SNTG1: variants seen among roughly 807,000 people sequenced by gnomAD.
SNTG1 encodes the protein syntrophin gamma 1.
In SNTG1, 39 loss-of-function variants were observed where a neutral mutation model predicts 74.7. The observed-to-expected ratio is 0.52, with a 90% CI of 0.40 to 0.68. SNTG1 has a LOEUF of 0.68. SNTG1 is among the 30% of genes least tolerant of loss of function. The pLI is 0.00. For synonymous variants in SNTG1, 254 were observed against 217.1 expected (o/e 1.17, Z -1.49); for missense variants, 685 against 609.5 (o/e 1.12, Z -1.30).
At chr8:50,061,838 A>G (rs939561284) in intron 1 of SNTG1, among the ~76,000 whole-genome samples, 3 of 151,990 alleles carry the variant, frequency 2.0e-5, no homozygotes, top group African/African-American at 7.2e-5. Context: ...GAGAATTTCA[A>G]TTCTTTCAAA....
chr8:50,332,280 C>A (rs562555901), intron 2 of SNTG1, among the ~76,000 whole-genome samples: 14 of 152,172 alleles, frequency 9.2e-5, no homozygotes, highest in Non-Finnish European at 1.9e-4. Flanking sequence ...CATTATTATT[C>A]ATTTTTTCCA....
intron 2 of SNTG1, among the ~76,000 whole-genome samples, chr8:50,358,052 T>G (rs899735625): frequency 6.6e-6 from 1 of 152,134 alleles, no homozygotes; most frequent in African/African-American, 2.4e-5. Flanking sequence ...TTCCAGCCAC[T>G]CTGACATAAT....
intron 2 of SNTG1, among the ~76,000 whole-genome samples, chr8:50,354,331 A>G (rs2091755327): frequency 6.6e-6 from 1 of 152,164 alleles, no homozygotes; most frequent in East Asian, 1.9e-4. Flanking sequence ...TCTTTCTTTA[A>G]ATTAGAGTCT....
chr8:50,268,813 C>G (rs1292978542), intron 2 of SNTG1, among the ~76,000 whole-genome samples: 1 of 152,032 alleles, frequency 6.6e-6, no homozygotes, highest in Non-Finnish European at 1.5e-5. Context: ...CACACCACCA[C>G]ACCCAGCTAA....
chr8:50,504,748 C>T (rs2093992206), intron 9 of SNTG1, among the ~76,000 whole-genome samples: 1 of 152,030 alleles, frequency 6.6e-6, no homozygotes, highest in Non-Finnish European at 1.5e-5. Context: ...ATGCAGTGAG[C>T]TGAGTAAGAC....
chr8:50,026,295 T>C (rs1206821271), intron 1 of SNTG1, among the ~76,000 whole-genome samples: 2 of 152,200 alleles, frequency 1.3e-5, no homozygotes, highest in East Asian at 3.9e-4. Context: ...GACTATTTAG[T>C]TCAGGGTTCT....
intron 1 of SNTG1, among the ~76,000 whole-genome samples, chr8:50,138,899 C>T (rs1290042793): frequency 6.6e-6 from 1 of 151,732 alleles, no homozygotes; most frequent in African/African-American, 2.4e-5. Flanking sequence ...TACAGTGTAT[C>T]ATACTGACTT....
At chr8:50,182,304 C>T (rs1480505028) in intron 2 of SNTG1, among the ~76,000 whole-genome samples, 2 of 152,064 alleles carry the variant, frequency 1.3e-5, no homozygotes, top group Admixed American at 1.3e-4. Context: ...TTGCCGATTG[C>T]CCTTCTCCAA....
intron 1 of SNTG1, among the ~76,000 whole-genome samples, chr8:50,010,997 C>T (rs1815740899): frequency 6.6e-6 from 1 of 151,926 alleles, no homozygotes; most frequent in Admixed American, 6.6e-5. Context: ...ACTTGACTTA[C>T]TGTGAATGAA....
intron 2 of SNTG1, among the ~76,000 whole-genome samples, chr8:50,328,908 A>G (rs1280457275): frequency 6.6e-6 from 1 of 152,204 alleles, no homozygotes; most frequent in Non-Finnish European, 1.5e-5. Flanking sequence ...CTACCTGTGA[A>G]CCTGTAAAGT....
chr8:50,078,466 T>C (rs1294519978), intron 1 of SNTG1, among the ~76,000 whole-genome samples: 3 of 152,206 alleles, frequency 2.0e-5, no homozygotes, highest in Non-Finnish European at 4.4e-5. Flanking sequence ...GTATATAAGT[T>C]TGCATCCATT....
At chr8:49,991,117 A>C (rs1813643104) in intron 1 of SNTG1, among the ~76,000 whole-genome samples, 1 of 152,218 alleles carries the variant, frequency 6.6e-6, no homozygotes, top group Non-Finnish European at 1.5e-5. Context: ...AATTTAACTT[A>C]AAATGGACAA....
At chr8:49,935,540 G>GA (rs1808002381) in intron 1 of SNTG1, among the ~76,000 whole-genome samples, 1 of 139,574 alleles carries the variant, frequency 7.2e-6, no homozygotes, top group African/African-American at 2.7e-5. Context: ...AAAAAAAAAA[G>GA]AAAAAGAAAA....
chr8:50,045,308 C>T (rs530052276), intron 1 of SNTG1, among the ~76,000 whole-genome samples: 2 of 152,282 alleles, frequency 1.3e-5, no homozygotes, highest in East Asian at 3.9e-4. Context: ...GTGAGAGCCT[C>T]AGGAAACTTA....
Position 50,372,473 on chromosome 8 carries a change from C to T in SNTG1, c.-27-21739C>T, listed in dbSNP as rs1328696232. Among the ~76,000 whole-genome samples the T allele has an allele frequency of 2.0e-5, 3 of 151,970 alleles. No homozygotes were observed. In the East Asian group the frequency reaches 5.8e-4, roughly 29 times the overall value. ...GTGGTAGAAGAAGTTCTGGTATTTC[C>T]TATTCTGCCATCTTCCTGATACTTT... On this transcript the variant is annotated intron_variant, in intron 2 of 18. Coordinates refer to ENST00000642720, the MANE Select transcript of SNTG1 (RefSeq NM_018967.5).
intron 1 of SNTG1, among the ~76,000 whole-genome samples, chr8:50,021,559 T>A (rs1187634555): frequency 1.3e-5 from 2 of 152,130 alleles, no homozygotes; most frequent in African/African-American, 2.4e-5. Flanking sequence ...CTCTAGTGGG[T>A]CTGGAGGGTC....
intron 17 of SNTG1, among the ~76,000 whole-genome samples, chr8:50,740,817 G>T (rs1014362419): frequency 6.6e-6 from 1 of 151,996 alleles, no homozygotes; most frequent in Non-Finnish European, 1.5e-5. Context: ...CCATAAAAAA[G>T]AATGAGATCA....
chr8:50,213,321 A>C (rs1414307732), intron 2 of SNTG1, among the ~76,000 whole-genome samples: 1 of 152,206 alleles, frequency 6.6e-6, no homozygotes. Flanking sequence ...GTGAATAATT[A>C]CTGAGTGATA....
chr8:50,660,159 A>G (rs527751356), intron 15 of SNTG1, among the ~76,000 whole-genome samples: 1 of 151,852 alleles, frequency 6.6e-6, no homozygotes, highest in South Asian at 2.1e-4. Context: ...ATTTTTAGGA[A>G]AGCTACTCAT....
Sources: gnomAD v4.1 joint callset for allele counts (sites outside exome capture counted in the v4.1 genomes callset) on GRCh38, gnomAD v4.1.1 for gene constraint, MANE v1.5 for transcripts, NCBI Gene and HGNC (gene_info 2026-07-23, HGNC 2026-07-21) for gene names.